Variants in FAM227B observed in about 807,000 individuals in gnomAD.
FAM227B encodes protein FAM227B.
FAM227B carries 88 observed loss-of-function variants against 73.8 expected under a neutral mutation model. The ratio of observed to expected loss-of-function variants is 1.19; its 90% CI spans 1.00 to 1.42. The LOEUF (loss-of-function observed/expected upper bound fraction) is 1.42, where lower values mean the gene tolerates loss of function less well. Among genes scored for constraint, FAM227B ranks in the 40% most tolerant of loss-of-function variants. FAM227B has a pLI of 0.00. For synonymous variants in FAM227B, 210 were observed against 190.5 expected (o/e 1.10, Z -0.84); for missense variants, 632 against 590.9 (o/e 1.07, Z -0.72).
intron 11 of FAM227B, among the ~76,000 whole-genome samples, chr15:49,407,400 A>G (rs1024049136): frequency 1.3e-5 from 2 of 152,004 alleles, no homozygotes; most frequent in Admixed American, 1.3e-4. Context: ...ACTTCAGCCC[A>G]GCTTCTGTGT....
intron 11 of FAM227B, among the ~76,000 whole-genome samples, chr15:49,399,750 G>A (rs12916480): frequency 0.037 from 3,278 of 88,316 alleles, 23 homozygotes; most frequent in Non-Finnish European, 0.051. Flanking sequence ...GACAAAAACC[G>A]CATGATTATC....
chr15:49,451,790 T>C (rs540060226), intron 11 of FAM227B, among the ~76,000 whole-genome samples: 15 of 152,118 alleles, frequency 9.9e-5, no homozygotes, highest in Non-Finnish European at 2.1e-4. Flanking sequence ...GTTTTAAAAG[T>C]AATACTTATA....
At chr15:49,448,187 C>T (rs1033279911) in intron 11 of FAM227B, among the ~76,000 whole-genome samples, 7 of 151,834 alleles carry the variant, frequency 4.6e-5, no homozygotes, top group African/African-American at 1.7e-4. Flanking sequence ...TCATAAATTA[C>T]TAGAACTTTC....
chr15:49,377,144 T>G (rs1450613322), intron 11 of FAM227B, among the ~76,000 whole-genome samples: 1 of 152,136 alleles, frequency 6.6e-6, no homozygotes, highest in Admixed American at 6.5e-5. Flanking sequence ...TTTGTCTTTC[T>G]GTGCCTGGCT....
chr15:49,386,086 G>T (rs2046867353), intron 11 of FAM227B, among the ~76,000 whole-genome samples: 1 of 151,794 alleles, frequency 6.6e-6, no homozygotes, highest in South Asian at 2.1e-4. Flanking sequence ...AGCACTAGCA[G>T]ATCTTCAACA....
At chr15:49,416,065 A>G (rs755953807) in intron 11 of FAM227B, among the ~76,000 whole-genome samples, 1 of 151,694 alleles carries the variant, frequency 6.6e-6, no homozygotes, top group Non-Finnish European at 1.5e-5. Context: ...CTTCAGGTTC[A>G]TTCACCTCTC....
At chr15:49,408,236 A>G (rs552835577) in intron 11 of FAM227B, among the ~76,000 whole-genome samples, 1 of 152,286 alleles carries the variant, frequency 6.6e-6, no homozygotes, top group East Asian at 1.9e-4. Flanking sequence ...ATTTTGCTCA[A>G]ATCTTTGTAG....
intron 11 of FAM227B, chr15:49,396,085 C>T (rs972635274): frequency 1.8e-5 from 8 of 437,142 alleles, no homozygotes; most frequent in Admixed American, 7.5e-5. Flanking sequence ...TCTGAGGTAC[C>T]AGGTTCATCT....
At chr15:49,396,155 G>A (rs995287824) in intron 11 of FAM227B, 23 of 358,108 alleles carry the variant, frequency 6.4e-5, no homozygotes, top group African/African-American at 2.8e-4. Context: ...TGTGCGAGCC[G>A]AAGCAGGGCG....
intron 11 of FAM227B, among the ~76,000 whole-genome samples, chr15:49,462,998 T>G (rs2053939944): frequency 6.6e-6 from 1 of 152,224 alleles, no homozygotes; most frequent in Non-Finnish European, 1.5e-5. Context: ...TTGAGGTCTT[T>G]AAAGAGTTTG....
At chr15:49,597,998 A>T (rs2076979287) in intron 3 of FAM227B, among the ~76,000 whole-genome samples, 1 of 152,042 alleles carries the variant, frequency 6.6e-6, no homozygotes, top group Non-Finnish European at 1.5e-5. Flanking sequence ...CCAACAAAAA[A>T]AAAGTCCAGG....
intron 10 of FAM227B, among the ~76,000 whole-genome samples, chr15:49,509,747 C>T (rs1315185152): frequency 1.3e-5 from 2 of 151,978 alleles, no homozygotes; most frequent in African/African-American, 4.8e-5. Flanking sequence ...TTCACATTGC[C>T]AGTTTTAAAA....
At chr15:49,498,722 G>A (rs2057848815) in intron 11 of FAM227B, among the ~76,000 whole-genome samples, 1 of 151,940 alleles carries the variant, frequency 6.6e-6, no homozygotes, top group African/African-American at 2.4e-5. Context: ...ATCTTCAAGA[G>A]ACCCATCTCA....
intron 5 of FAM227B, 117 bp downstream of exon 5, chr15:49,587,899 C>T (rs968273615): frequency 1.5e-5 from 14 of 908,216 alleles, no homozygotes; most frequent in Non-Finnish European, 1.9e-5. Context: ...AGATTGGTAA[C>T]AGTAGACTAA....
rs959244326 is a variant in FAM227B, at chr15:49,585,706, G to T, written c.405+2310C>A. 2.6e-5 allele frequency among the ~76,000 whole-genome samples: 4 copies of T among 152,154 alleles called. 1 individual carries two copies. The highest frequency in any genetic ancestry group is 2.0e-4 in the Admixed American group (3 of 15,272). On this transcript the variant is annotated intron_variant, in intron 5 of 15. Transcript: ENST00000299338. ...GGGGACTGTTGTGGGGTGGGTGGAG[G>T]GGGGAGGGATAGCAGTAGGAGATAT...
rs1485546067 is a variant in FAM227B, at chr15:49,426,372, T to C, written c.1013-54973A>G. On this transcript the variant is annotated intron_variant, in intron 11 of 15. Transcript: ENST00000299338. ...AGCTGTCAGAACTAATTTCAAATTATAGCAATAAGGTTACCAAACCTTAAC... is the reference window on the plus strand; with the variant it reads ...AGCTGTCAGAACTAATTTCAAATTACAGCAATAAGGTTACCAAACCTTAAC... Among the ~76,000 whole-genome samples the C allele has an allele frequency of 2.4e-4, 37 of 151,990 alleles. 1 individual carries two copies. Among genetic ancestry groups the C allele is most frequent in the Admixed American group, 2.3e-3 (35 of 15,228 alleles).
intron 9 of FAM227B, among the ~76,000 whole-genome samples, chr15:49,543,258 A>G (rs945597510): frequency 1.2e-4 from 19 of 152,180 alleles, no homozygotes; most frequent in Non-Finnish European, 2.4e-4. Context: ...CCTAATAATC[A>G]GCGATGTAGT....
chr15:49,588,710 GGTGTCTGT>G (rs2076343824), intron 4 of FAM227B, among the ~76,000 whole-genome samples: 1 of 149,126 alleles, frequency 6.7e-6, no homozygotes, highest in Admixed American at 6.7e-5. Flanking sequence ...CACACACATG[GGTGTCTGT>G]GTGTATGTGT....
In FAM227B at chr15:49,495,849, C is replaced by T. The variant is rs545754315; in HGVS notation, c.1012+12362G>A. Among the ~76,000 whole-genome samples the T allele has an allele frequency of 2.6e-5, 4 of 152,024 alleles. No homozygotes were observed. In the South Asian group the frequency reaches 8.3e-4, roughly 32 times the overall value. On this transcript the variant is annotated intron_variant, in intron 11 of 15. Transcript: ENST00000299338. Reference sequence around the variant, plus strand: ...ACCAGTCTGGCCCACATGGAGAATCCCTGTCTCTACTAAAAATACAAAAAT... The same window carrying T: ...ACCAGTCTGGCCCACATGGAGAATCTCTGTCTCTACTAAAAATACAAAAAT...
Sources: allele counts gnomAD v4.1 joint callset (sites outside exome capture counted in the v4.1 genomes callset), GRCh38; gene constraint gnomAD v4.1.1; transcripts MANE v1.5; gene names NCBI Gene and HGNC (gene_info 2026-07-23, HGNC 2026-07-21).